CNTNAP2: variants seen among roughly 807,000 people sequenced by gnomAD.
CNTNAP2 encodes contactin associated protein 2.
CNTNAP2 carries 98 observed loss-of-function variants against 155.2 expected under a neutral mutation model. The observed-to-expected ratio is 0.63, with a 90% confidence interval of 0.54 to 0.75. CNTNAP2 has a LOEUF of 0.75. Among genes scored for constraint, CNTNAP2 ranks in the 30% least tolerant of loss-of-function variants. CNTNAP2 has a pLI of 0.00. For missense variants in CNTNAP2, 1,727 were observed against 1,688.1 expected (o/e 1.02, Z -0.40); for synonymous variants, 651 against 631.2 (o/e 1.03, Z -0.47).
At chr7:147,106,357 C>T (rs571654524) in intron 4 of CNTNAP2, among the ~76,000 whole-genome samples, 1 of 152,034 alleles carries the variant, frequency 6.6e-6, no homozygotes, top group Admixed American at 6.6e-5. Context: ...AAAGATATTG[C>T]CATTGAAATT....
intron 8 of CNTNAP2, among the ~76,000 whole-genome samples, chr7:147,243,895 T>TACTATCTA (rs1803996758): frequency 1.3e-5 from 2 of 152,144 alleles, no homozygotes; most frequent in Non-Finnish European, 2.9e-5. Flanking sequence ...ACACTAAAAT[T>TACTATCTA]GTAATTTATA....
At chr7:146,119,749 T>A (rs1797536305) in intron 1 of CNTNAP2, among the ~76,000 whole-genome samples, 1 of 152,120 alleles carries the variant, frequency 6.6e-6, no homozygotes, top group Non-Finnish European at 1.5e-5. Flanking sequence ...CCAATTTACA[T>A]CATTTAGTAG....
intron 1 of CNTNAP2, among the ~76,000 whole-genome samples, chr7:146,150,198 T>A (rs990971342): frequency 6.6e-6 from 1 of 152,108 alleles, no homozygotes; most frequent in African/African-American, 2.4e-5. Context: ...AAAAGCAAAA[T>A]CAAATACTAT....
rs1276819018 is a variant in CNTNAP2 at position 146,671,388 on chromosome 7, CTTTCTT to C, written c.98-102877_98-102872del. 2.8e-4 allele frequency among the ~76,000 whole-genome samples: 42 copies of C among 151,894 alleles called. 1 individual carries two copies. In the South Asian group the frequency reaches 7.3e-3, roughly 26 times the overall value. ...ATTTCTCTCTATCCCACCTCTGTCTCTTTCTTTTTCTGTCTCCCTGTTTCTCTCTTT... is the reference window on the plus strand; with the variant it reads ...ATTTCTCTCTATCCCACCTCTGTCTCTTTCTGTCTCCCTGTTTCTCTCTTT... On this transcript the variant is annotated intron_variant, in intron 1 of 23. Transcript: ENST00000361727.
At chr7:146,284,508 T>C (rs146676426) in intron 1 of CNTNAP2, among the ~76,000 whole-genome samples, 2 of 152,186 alleles carry the variant, frequency 1.3e-5, no homozygotes, top group Non-Finnish European at 2.9e-5. Flanking sequence ...ATAATCTGAT[T>C]GCTGATCTTT....
chr7:147,885,239 C>T (rs1339147514), intron 13 of CNTNAP2, among the ~76,000 whole-genome samples: 1 of 152,266 alleles, frequency 6.6e-6, no homozygotes, highest in East Asian at 1.9e-4. Context: ...CAGAAAGTCT[C>T]AATATTAAGG....
intron 13 of CNTNAP2, among the ~76,000 whole-genome samples, chr7:147,768,169 A>C (rs1797412852): frequency 6.6e-6 from 1 of 152,180 alleles, no homozygotes; most frequent in Non-Finnish European, 1.5e-5. Flanking sequence ...AAAAGGTTGA[A>C]GATCACAGAA....
At chr7:147,664,458 C>T (rs1281277646) in intron 13 of CNTNAP2, among the ~76,000 whole-genome samples, 3 of 152,124 alleles carry the variant, frequency 2.0e-5, no homozygotes, top group Non-Finnish European at 4.4e-5. Flanking sequence ...TGGAGTCTTG[C>T]TCTCCTTGCA....
Position 148,321,609 on chromosome 7 carries a change from A to G in CNTNAP2, c.3475+54483A>G, listed in dbSNP as rs1275665895. Among the ~76,000 whole-genome samples, 4 of 152,342 alleles carry G rather than the reference A, an allele frequency of 2.6e-5. No individual in the cohort carries two copies. The South Asian group carries it at 6.2e-4, about 24-fold the overall frequency. ...GCTCCCCAAAAGCAGCGTTGAGCTG[A>G]TGCAAAAGATCAGTCCATTCTCCCA... On this transcript the variant is annotated intron_variant, in intron 21 of 23. Transcript: ENST00000361727.
chr7:147,622,048 T>G (rs1794868259), intron 12 of CNTNAP2, among the ~76,000 whole-genome samples: 1 of 152,040 alleles, frequency 6.6e-6, no homozygotes, highest in Non-Finnish European at 1.5e-5. Context: ...AGAAGGTCAC[T>G]ATATAATGAT....
chr7:147,337,779 C>T (rs1795689612), intron 9 of CNTNAP2, among the ~76,000 whole-genome samples: 1 of 152,108 alleles, frequency 6.6e-6, no homozygotes, highest in Admixed American at 6.6e-5. Flanking sequence ...TGAAGATTTA[C>T]ATGGAGTATT....
At chr7:146,527,931 T>G (rs1463723424) in intron 1 of CNTNAP2, among the ~76,000 whole-genome samples, 2 of 152,124 alleles carry the variant, frequency 1.3e-5, no homozygotes, top group African/African-American at 2.4e-5. Flanking sequence ...TTAGAGAAAT[T>G]TAACTCCTTA....
At chr7:147,294,114 A>T (rs904083660) in intron 8 of CNTNAP2, among the ~76,000 whole-genome samples, 6 of 152,150 alleles carry the variant, frequency 3.9e-5, no homozygotes, top group African/African-American at 7.2e-5. Flanking sequence ...ATTCAATCTC[A>T]GCCTCTTATG....
chr7:147,857,167 G>A (rs1482769697), intron 13 of CNTNAP2, among the ~76,000 whole-genome samples: 2 of 152,006 alleles, frequency 1.3e-5, no homozygotes, highest in East Asian at 3.9e-4. Context: ...AAATAAAGTC[G>A]GTAGCCAAAA....
chr7:147,766,179 T>C (rs1194904545), intron 13 of CNTNAP2, among the ~76,000 whole-genome samples: 1 of 152,138 alleles, frequency 6.6e-6, no homozygotes, highest in African/African-American at 2.4e-5. Context: ...TCAAAACTAA[T>C]TGAACTGTAC....
At chr7:146,446,823 G>A (rs879810301) in intron 1 of CNTNAP2, among the ~76,000 whole-genome samples, 4 of 151,874 alleles carry the variant, frequency 2.6e-5, no homozygotes, top group Admixed American at 1.3e-4. Context: ...ATATTCCATC[G>A]CTTTTATTGT....
chr7:146,445,862 G>A (rs10230813), intron 1 of CNTNAP2, among the ~76,000 whole-genome samples: 15 of 152,210 alleles, frequency 9.9e-5, no homozygotes, highest in Non-Finnish European at 1.8e-4. Flanking sequence ...TCTACCAAAT[G>A]TCTGTTACTG....
In CNTNAP2 at chr7:147,257,123, T is replaced by C. The variant is rs141060935; in HGVS notation, c.1349-43018T>C. On this transcript the variant is annotated intron_variant, in intron 8 of 23. Transcript: ENST00000361727. ...CTTTGGTTTGGGGGAAAAAGTCTCA[T>C]TGGTGGCTTTTGAGAATTCAGTTTT... Among the ~76,000 whole-genome samples the C allele has an allele frequency of 3.9e-3, 587 of 152,274 alleles. 4 individuals carry two copies. Among genetic ancestry groups the C allele is most frequent in the African/African-American group, 0.013 (551 of 41,550 alleles).
At chr7:147,564,524 C>T (rs528778188) in intron 12 of CNTNAP2, among the ~76,000 whole-genome samples, 1 of 152,124 alleles carries the variant, frequency 6.6e-6, no homozygotes, top group East Asian at 1.9e-4. Context: ...TATTCTTAAC[C>T]TCAAGGGAAA....
Sources: allele counts gnomAD v4.1 joint callset (sites outside exome capture counted in the v4.1 genomes callset), GRCh38; gene constraint gnomAD v4.1.1; transcripts MANE v1.5; gene names NCBI Gene and HGNC (gene_info 2026-07-23, HGNC 2026-07-21).